PIP5K1C: variants seen among roughly 807,000 people sequenced by gnomAD.
The protein encoded by PIP5K1C is phosphatidylinositol-4-phosphate 5-kinase type 1 gamma.
A neutral mutation model predicts 80.1 loss-of-function variants in PIP5K1C; 45 were observed. The observed-to-expected ratio is 0.56, with a 90% CI of 0.44 to 0.72. PIP5K1C has a LOEUF of 0.72. Among genes scored for constraint, PIP5K1C ranks in the 30% least tolerant of loss-of-function variants. The pLI is 0.00. For synonymous variants in PIP5K1C, 498 were observed against 420.1 expected (o/e 1.19, Z -2.27); for missense variants, 753 against 954.6 (o/e 0.79, Z 2.78).
intron 16 of PIP5K1C, chr19:3,636,812 C>T (rs1374851659): frequency 1.0e-6 from 1 of 987,618 alleles, no homozygotes; most frequent in Non-Finnish European, 1.2e-6. Context: ...TGGGTCTGCG[C>T]CCCGTTCTGG....
At chr19:3,672,773 T>C (rs1008338802) in intron 1 of PIP5K1C, among the ~76,000 whole-genome samples, 2 of 152,096 alleles carry the variant, frequency 1.3e-5, no homozygotes, top group African/African-American at 4.8e-5. Context: ...CCTCAGCCCC[T>C]GTGGGCACCT....
chr19:3,647,223 GGATGGGAGGAGGGTGCAGGC>G, intron 10 of PIP5K1C, 95 bp downstream of exon 10: 2 of 890,706 alleles, frequency 2.2e-6, no homozygotes, highest in Non-Finnish European at 1.8e-6. Context: ...ATGGGAGGAG[GGATGGGAGGAGGGTGCAGGC>G]ACTCACAGAG....
At chr19:3,640,152 C>T (rs565856751) in intron 15 of PIP5K1C, among the ~76,000 whole-genome samples, 2 of 152,310 alleles carry the variant, frequency 1.3e-5, no homozygotes, top group South Asian at 4.1e-4. Flanking sequence ...AAAATCATTA[C>T]AAAGGCAAGA....
intron 1 of PIP5K1C, among the ~76,000 whole-genome samples, chr19:3,693,116 G>A (rs1362415976): frequency 6.6e-6 from 1 of 152,006 alleles, no homozygotes; most frequent in African/African-American, 2.4e-5. Context: ...GTTCCTTAGG[G>A]GGCCTGGCCC....
intron 14 of PIP5K1C, among the ~76,000 whole-genome samples, chr19:3,642,338 C>T (rs1462359178): frequency 6.6e-6 from 1 of 152,214 alleles, no homozygotes; most frequent in African/African-American, 2.4e-5. Flanking sequence ...CAAATGTCCC[C>T]GAGGGCTGGG....
In PIP5K1C at chr19:3,688,389, G is replaced by A. The variant is rs1424806655; in HGVS notation, c.94+11908C>T. On this transcript the variant is annotated intron_variant, in intron 1 of 17. Transcript: ENST00000335312. The surrounding 1 kb of genome is among the most constrained non-coding windows in gnomAD (Gnocchi z 5.3). ...TGTTCCTCACCTGCGAGGGGGGGAC[G>A]GCCTCTGGCCCCCTGCTGTGGGCGG... Among the ~76,000 whole-genome samples the A allele has an allele frequency of 6.6e-6, 1 of 152,136 alleles. No individual in the cohort carries two copies. Among genetic ancestry groups the A allele is most frequent in the Non-Finnish European group, 1.5e-5 (1 of 68,004 alleles).
At chr19:3,652,343 G>A (rs569586581) in intron 7 of PIP5K1C, among the ~76,000 whole-genome samples, 4 of 152,370 alleles carry the variant, frequency 2.6e-5, no homozygotes, top group African/African-American at 7.2e-5. Flanking sequence ...CCGGGCCTAT[G>A]CTCTGACCAG....
At chr19:3,671,255 G>A (rs923467753) in intron 1 of PIP5K1C, among the ~76,000 whole-genome samples, 3 of 152,208 alleles carry the variant, frequency 2.0e-5, no homozygotes, top group East Asian at 3.9e-4. Flanking sequence ...CAGTGGCCCC[G>A]ATGCTGAGAG....
intron 11 of PIP5K1C, among the ~76,000 whole-genome samples, 188 bp from the exon 12 acceptor site, chr19:3,644,439 C>G (rs767227191): frequency 1.3e-5 from 2 of 152,148 alleles, no homozygotes; most frequent in Non-Finnish European, 2.9e-5. Flanking sequence ...ACTGCGAGCC[C>G]GAGTTCCCTG....
Position 3,632,993 on chromosome 19 carries a change from AGGCT to A in PIP5K1C, c.*170_*173del. Reference sequence around the variant, plus strand: ...CCGACCGGGGTGCCGGGGCCCTGGGAGGCTTGTCGGGGAGGGGCCCGGCCGTCGG... The same window carrying A: ...CCGACCGGGGTGCCGGGGCCCTGGGATGTCGGGGAGGGGCCCGGCCGTCGG... On this transcript the variant is annotated 3_prime_UTR_variant, in exon 18 of 18. Transcript: ENST00000335312. 1.9e-6 allele frequency: 1 copy of A among 529,078 alleles called. No homozygotes were observed. Among genetic ancestry groups the A allele is most frequent in the South Asian group, 2.6e-5 (1 of 39,122 alleles). 32.8% of individuals were successfully genotyped at this position (529,078 alleles called of 1,614,324 possible). A position where few individuals can be genotyped will look rare whatever the true frequency, so the allele number is the denominator to read the frequency against.
chr19:3,678,464 G>GA (rs2035471843), intron 1 of PIP5K1C, among the ~76,000 whole-genome samples: 1 of 129,984 alleles, frequency 7.7e-6, no homozygotes, highest in Non-Finnish European at 1.7e-5. Flanking sequence ...GAGGGATGGA[G>GA]GATGGAGGGA....
chr19:3,633,406 G>A, intron 17 of PIP5K1C, 31 bp downstream of exon 17: 1 of 1,396,794 alleles, frequency 7.2e-7, no homozygotes, highest in Non-Finnish European at 9.4e-7. Context: ...GGAGCCCACG[G>A]GACCGGCGGG....
intron 1 of PIP5K1C, among the ~76,000 whole-genome samples, chr19:3,683,989 G>A (rs1288471829): frequency 6.8e-6 from 1 of 146,980 alleles, no homozygotes; most frequent in African/African-American, 2.5e-5. Context: ...CCCCATGTTG[G>A]AGCCCCCACC....
chr19:3,695,393 G>A (rs1193528033), intron 1 of PIP5K1C, among the ~76,000 whole-genome samples: 2 of 152,200 alleles, frequency 1.3e-5, no homozygotes, highest in African/African-American at 4.8e-5. Flanking sequence ...GCTTTCTCAC[G>A]GGGCCGGCTG....
chr19:3,634,651 TCCCA>T (rs1241813520), intron 16 of PIP5K1C, among the ~76,000 whole-genome samples: 1 of 152,188 alleles, frequency 6.6e-6, no homozygotes. Flanking sequence ...CTCTGCCAGC[TCCCA>T]GTTGCCCAGC....
At chr19:3,652,245 G>T (rs1480669052) in intron 7 of PIP5K1C, among the ~76,000 whole-genome samples, 1 of 152,240 alleles carries the variant, frequency 6.6e-6, no homozygotes, top group East Asian at 1.9e-4. Flanking sequence ...GCCAGAGAAT[G>T]GGGGCTTCCA....
rs2033516999 is a variant in PIP5K1C at position 3,633,083 on chromosome 19, T to TGGGCCTCAGCG, written c.*73_*83dup. 1 of 713,982 alleles carries TGGGCCTCAGCG rather than the reference T, an allele frequency of 1.4e-6. No individual in the cohort carries two copies. The allele number at this position is 713,982 out of a possible 1,614,324, so 44.2% of individuals were successfully genotyped here. A position where few individuals can be genotyped will look rare whatever the true frequency, so the allele number is the denominator to read the frequency against. Reference sequence around the variant, plus strand: ...GGCGAGGCGGGCATCTCCCGAGCTCTGGGCCTCAGCGGGGTGGGCAGCGCC... The same window carrying TGGGCCTCAGCG: ...GGCGAGGCGGGCATCTCCCGAGCTCTGGGCCTCAGCGGGGCCTCAGCGGGGTGGGCAGCGCC... On this transcript the variant is annotated 3_prime_UTR_variant, in exon 18 of 18. Coordinates refer to ENST00000335312, the MANE Select transcript of PIP5K1C (RefSeq NM_012398.3).
chr19:3,654,065 G>A (rs973750707), intron 6 of PIP5K1C, among the ~76,000 whole-genome samples: 9 of 152,162 alleles, frequency 5.9e-5, no homozygotes, highest in South Asian at 2.1e-4. Context: ...GCAACGGTGC[G>A]ATCACAGCTC....
intron 1 of PIP5K1C, among the ~76,000 whole-genome samples, chr19:3,677,195 G>A (rs1449099080): frequency 1.3e-5 from 2 of 152,226 alleles, no homozygotes; most frequent in African/African-American, 4.8e-5. Context: ...AAGACCAGGG[G>A]TGTGGCTGTG....
Sources: gnomAD v4.1 joint callset for allele counts (sites outside exome capture counted in the v4.1 genomes callset) on GRCh38, gnomAD v4.1.1 for gene constraint, Gnocchi (gnomAD v3.1) non-coding constraint, MANE v1.5 for transcripts, NCBI Gene and HGNC (gene_info 2026-07-23, HGNC 2026-07-21) for gene names.